Variants in PHACTR3 observed in about 807,000 individuals in gnomAD.
PHACTR3 encodes the protein protein phosphatase 1, regulatory subunit 123.
In PHACTR3, 16 loss-of-function variants were observed where a neutral mutation model predicts 66.8. That is an observed-to-expected ratio of 0.24 (90% CI 0.16 to 0.36). PHACTR3 has a LOEUF of 0.36. PHACTR3 is among the 10% of genes least tolerant of loss of function. PHACTR3 has a pLI of 1.00. For missense variants in PHACTR3, 647 were observed against 719.9 expected, an observed-to-expected ratio of 0.90 and a Z score of 1.16; for synonymous variants, 323 against 292.1, an observed-to-expected ratio of 1.11 and a Z score of -1.08.
upstream of PHACTR3, among the ~76,000 whole-genome samples, chr20:59,600,145 C>A (rs1031613995): frequency 6.6e-6 from 1 of 152,190 alleles, no homozygotes; most frequent in Non-Finnish European, 1.5e-5. Context: ...GTTCCCTCTG[C>A]CCGGGGCGCC....
chr20:59,788,995 C>T (rs2041010135), intron 7 of PHACTR3, among the ~76,000 whole-genome samples: 1 of 152,242 alleles, frequency 6.6e-6, no homozygotes. Flanking sequence ...ACGTCAGGCA[C>T]TTCTGCCTCT....
intron 1 of PHACTR3, among the ~76,000 whole-genome samples, chr20:59,687,328 T>C (rs2036941350): frequency 6.6e-6 from 1 of 152,070 alleles, no homozygotes; most frequent in South Asian, 2.1e-4. Context: ...GGTGTGATGG[T>C]GGTAATGAGG....
Position 59,665,091 on chromosome 20 carries a change from A to G in PHACTR3, c.118+59959A>G, listed in dbSNP as rs368796927. ...TAGTCTAAATTGAAGTTTTATTTTC[A>G]AAACTACAGGCATAAGCAGTCTTTC... is the stretch of plus-strand genomic sequence containing the variant. On this transcript the variant is annotated intron_variant, in intron 1 of 12. Transcript: ENST00000371015. 1.1e-4 allele frequency among the ~76,000 whole-genome samples: 16 copies of G among 152,354 alleles called. No homozygotes were observed. In the East Asian group the frequency reaches 2.9e-3, roughly 28 times the overall value.
At chr20:59,774,624 G>C (rs972535402) in intron 7 of PHACTR3, 134 bp downstream of exon 7, 1 of 1,242,590 alleles carries the variant, frequency 8.0e-7, no homozygotes, top group Non-Finnish European at 1.1e-6. Flanking sequence ...CAAGAGGGGG[G>C]CTGTGTCCTC....
Position 59,773,521 on chromosome 20 carries a change from C to G in PHACTR3, c.926+68C>G. 6 of 1,457,698 alleles carry G rather than the reference C, an allele frequency of 4.1e-6. No individual in the cohort carries two copies. The South Asian group carries it at 8.1e-5, about 20-fold the overall frequency. 90.3% of individuals were successfully genotyped at this position (1,457,698 alleles called of 1,614,324 possible). ...CCTGCCTGGCCAGCCTCAGGCTGTG[C>G]AGCTCATGCCACGCCCAGGGCCTTG... On this transcript the variant is annotated intron_variant, in intron 6 of 12. Coordinates refer to ENST00000371015, the MANE Select transcript of PHACTR3 (RefSeq NM_080672.5).
At chr20:59,690,306 A>G (rs573523714) in intron 1 of PHACTR3, among the ~76,000 whole-genome samples, 5 of 152,216 alleles carry the variant, frequency 3.3e-5, no homozygotes, top group South Asian at 4.1e-4. Flanking sequence ...CCTCAGCATC[A>G]CTTCTGCAGG....
Position 59,738,595 on chromosome 20 carries a change from G to T in PHACTR3, c.119-4512G>T, listed in dbSNP as rs2039037371. 6.6e-6 allele frequency among the ~76,000 whole-genome samples: 1 copy of T among 152,074 alleles called. No homozygotes were observed. The highest frequency in any genetic ancestry group is 1.5e-5 in the Non-Finnish European group (1 of 68,000). On this transcript the variant is annotated intron_variant, in intron 1 of 12. Transcript: ENST00000371015. This position sits in a 1 kb window ranked among gnomAD's most constrained non-coding sequence, Gnocchi z 4.4. ...CTACTCCGTTTTGCCTTGGCTGCTA[G>T]GAAGCTCAGGGCACACAAATACCCT...
intron 8 of PHACTR3, among the ~76,000 whole-genome samples, chr20:59,827,227 A>G (rs1296910971): frequency 6.6e-6 from 1 of 152,022 alleles, no homozygotes; most frequent in East Asian, 1.9e-4. Context: ...GCTGGCCTTC[A>G]TGGGCGGGGG....
intron 1 of PHACTR3, among the ~76,000 whole-genome samples, chr20:59,580,495 C>G (rs1039462449): frequency 1.3e-5 from 2 of 152,106 alleles, no homozygotes; most frequent in African/African-American, 4.8e-5. Flanking sequence ...AAATTAACCA[C>G]TCATTCTTCC....
chr20:59,652,894 G>C (rs576522028), intron 1 of PHACTR3, among the ~76,000 whole-genome samples: 106 of 152,180 alleles, frequency 7.0e-4, no homozygotes, highest in African/African-American at 2.2e-3. Context: ...AAAGAGATGT[G>C]TTCACGTGTG....
chr20:59,788,623 T>A lies in PHACTR3; in HGVS notation c.1174+14133T>A, dbSNP rs1182512. On this transcript the variant is annotated intron_variant, in intron 7 of 12. Coordinates refer to ENST00000371015, the MANE Select transcript of PHACTR3 (RefSeq NM_080672.5). ...GCTCAACCTCACATCTGTCCCCATA[T>A]GTGGATCGTCACAAATCTCCATCCC... 3.8e-3 allele frequency among the ~76,000 whole-genome samples: 579 copies of A among 152,224 alleles called. 4 individuals are homozygous for A. Among genetic ancestry groups the A allele is most frequent in the African/African-American group, 0.012 (498 of 41,550 alleles).
intron 7 of PHACTR3, among the ~76,000 whole-genome samples, chr20:59,805,165 A>G (rs548293368): frequency 2.2e-4 from 33 of 152,318 alleles, no homozygotes; most frequent in South Asian, 2.1e-3. Flanking sequence ...CCTGCGAAAG[A>G]GCTAAACCCC....
chr20:59,817,143 TG>T (rs2145403716), intron 8 of PHACTR3, among the ~76,000 whole-genome samples: 2 of 152,380 alleles, frequency 1.3e-5, no homozygotes, highest in South Asian at 4.1e-4. Context: ...GTGGGCTCTT[TG>T]GATACATTTA....
chr20:59,660,411 G>T (rs1384787546), intron 1 of PHACTR3, among the ~76,000 whole-genome samples: 3 of 152,216 alleles, frequency 2.0e-5, no homozygotes, highest in African/African-American at 7.2e-5. Context: ...GGAGAATGGC[G>T]TGAATCCGGG....
At chr20:59,642,007 C>T (rs753392692) in intron 1 of PHACTR3, among the ~76,000 whole-genome samples, 4 of 152,186 alleles carry the variant, frequency 2.6e-5, no homozygotes, top group Non-Finnish European at 4.4e-5. Context: ...ACATGGCTGT[C>T]CTAGCTCCTG....
chr20:59,774,108 T>G (rs78136628), intron 6 of PHACTR3, 135 bp from the exon 7 acceptor site: 1 of 1,123,782 alleles, frequency 8.9e-7, no homozygotes, highest in Admixed American at 2.7e-5. Flanking sequence ...TTCTGGTGTG[T>G]CCAGGATAAA....
At chr20:59,585,133 C>T (rs1303957590) in intron 1 of PHACTR3, among the ~76,000 whole-genome samples, 2 of 152,076 alleles carry the variant, frequency 1.3e-5, no homozygotes, top group African/African-American at 4.8e-5. Context: ...GTGAGCAACC[C>T]GAGAGAAACA....
At chr20:59,689,464 G>A (rs576747069) in intron 1 of PHACTR3, among the ~76,000 whole-genome samples, 7 of 152,326 alleles carry the variant, frequency 4.6e-5, no homozygotes, top group Middle Eastern at 3.4e-3. Context: ...GAGGAGTTTC[G>A]TAGAGGTGCC....
chr20:59,717,875 A>G (rs2038152080), intron 1 of PHACTR3, among the ~76,000 whole-genome samples: 3 of 152,342 alleles, frequency 2.0e-5, no homozygotes, highest in Non-Finnish European at 4.4e-5. Context: ...TTCATTTATC[A>G]TCCAGTCTTT....
Sources: gnomAD v4.1 joint callset for allele counts (sites outside exome capture counted in the v4.1 genomes callset) on GRCh38, gnomAD v4.1.1 for gene constraint, Gnocchi (gnomAD v3.1) non-coding constraint, MANE v1.5 for transcripts, NCBI Gene and HGNC (gene_info 2026-07-23, HGNC 2026-07-21) for gene names.